Variants in LPO observed in about 807,000 individuals in gnomAD.
LPO encodes salivary peroxidase.
A neutral mutation model predicts 68.4 loss-of-function variants in LPO; 70 were observed. The ratio of observed to expected loss-of-function variants is 1.02; its 90% CI spans 0.84 to 1.25. The LOEUF (loss-of-function observed/expected upper bound fraction) is 1.25, where lower values mean the gene tolerates loss of function less well. LPO is among the 50% of genes most tolerant of loss of function. The pLI is 0.00. For synonymous variants in LPO, 360 were observed against 357.6 expected, an observed-to-expected ratio of 1.01 and a Z score of -0.08; for missense variants, 873 against 908.4, an observed-to-expected ratio of 0.96 and a Z score of 0.50.
At chr17:58,247,368 C>T (rs1002681355) in intron 3 of LPO, 110 bp from the exon 4 acceptor site, 7 of 885,960 alleles carry the variant, frequency 7.9e-6, no homozygotes, top group Non-Finnish European at 1.2e-5. Context: ...GACAGTGCAG[C>T]AGCTGGGTTA....
chr17:58,248,891 T>C (rs1028298461), intron 4 of LPO, among the ~76,000 whole-genome samples, 169 bp from the exon 5 acceptor site: 1 of 152,212 alleles, frequency 6.6e-6, no homozygotes. Flanking sequence ...TAAAATGTAT[T>C]ACCTTAATGT....
At chr17:58,243,664 G>T in intron 2 of LPO, 1 of 394,228 alleles carries the variant, frequency 2.5e-6, no homozygotes. Context: ...TAGTCCACAA[G>T]ACCATCTCAC....
intron 8 of LPO, among the ~76,000 whole-genome samples, chr17:58,253,931 C>G (rs1325643845): frequency 6.6e-6 from 1 of 152,062 alleles, no homozygotes; most frequent in African/African-American, 2.4e-5. Flanking sequence ...GGCAACATAG[C>G]AAGACCCCTG....
intron 9 of LPO, among the ~76,000 whole-genome samples, chr17:58,263,570 C>A (rs1407463703): frequency 1.3e-5 from 2 of 152,152 alleles, no homozygotes; most frequent in Non-Finnish European, 2.9e-5. Flanking sequence ...GAAACCCCAT[C>A]TCTACTAAAA....
chr17:58,256,831 A>G (rs1486647069), intron 9 of LPO, among the ~76,000 whole-genome samples: 1 of 151,364 alleles, frequency 6.6e-6, no homozygotes. Flanking sequence ...CCTTTCAAAA[A>G]AAAAAAAAAA....
At chr17:58,261,986 T>C (rs1448750079) in intron 9 of LPO, among the ~76,000 whole-genome samples, 2 of 152,246 alleles carry the variant, frequency 1.3e-5, no homozygotes, top group Non-Finnish European at 2.9e-5. Context: ...GTCTGAAGCA[T>C]TTCTTCTATA....
At chr17:58,253,573 G>T (rs547857323) in intron 8 of LPO, among the ~76,000 whole-genome samples, 298 of 152,276 alleles carry the variant, frequency 2.0e-3, no homozygotes, top group Non-Finnish European at 3.6e-3. Flanking sequence ...GTTCATTCCA[G>T]GTGCCCTCCT....
intron 12 of LPO, 75 bp downstream of exon 12, chr17:58,267,661 C>T (rs904568977): frequency 5.5e-6 from 8 of 1,467,482 alleles, no homozygotes; most frequent in Non-Finnish European, 6.6e-6. Context: ...CCTGCGTGAG[C>T]GCTGACTCCG....
intron 9 of LPO, among the ~76,000 whole-genome samples, chr17:58,259,071 A>G (rs546408448): frequency 6.6e-6 from 1 of 152,040 alleles, no homozygotes; most frequent in South Asian, 2.1e-4. Flanking sequence ...TGTAGAGCAA[A>G]AGCTTTTAAT....
At chr17:58,242,940 T>C in intron 1 of LPO, 38 bp from the exon 2 acceptor site, 1 of 1,587,996 alleles carries the variant, frequency 6.3e-7, no homozygotes, top group Non-Finnish European at 8.6e-7. Context: ...ACTTGGTCTC[T>C]AGAGAGGCTC....
At position 58,266,325 on chromosome 17, in the gene LPO, T is replaced by G; in HGVS notation, c.1692T>G (p.Pro564=). Residue 564 remains proline (P), a splice_region_variant and synonymous_variant, in exon 11 of 13, where the codon CCT becomes CCG. Coordinates refer to ENST00000262290, the MANE Select transcript of LPO (RefSeq NM_006151.3). ...NTQRCRDHGQ[P]GYNSWRAFCD... is the part of the protein sequence containing the mutation. ...AGCGTTGCCGGGACCATGGGCAACC[T>G]GGTGAGTGTCTGAAGTCTGGCCTGC... The G allele has an allele frequency of 1.9e-6, 3 of 1,613,924 alleles. No homozygotes were observed. Among genetic ancestry groups the G allele is most frequent in the Non-Finnish European group, 2.5e-6 (3 of 1,180,000 alleles).
Position 58,258,264 on chromosome 17 carries a change from T to G in LPO, c.1266+3293T>G, listed in dbSNP as rs530910507. On this transcript the variant is annotated intron_variant, in intron 9 of 12. Transcript: ENST00000262290. ...TCCCCAATGTTTTCTTGCAGTAGTT[T>G]CACAGTTTGAGGTCTTAGATTTGTC... Among the ~76,000 whole-genome samples the G allele has an allele frequency of 4.6e-5, 7 of 152,366 alleles. No homozygotes were observed. In the South Asian group the frequency reaches 1.4e-3, roughly 32 times the overall value.
intron 9 of LPO, among the ~76,000 whole-genome samples, chr17:58,258,514 T>A (rs1342576753): frequency 1.3e-5 from 2 of 152,224 alleles, no homozygotes; most frequent in African/African-American, 4.8e-5. Context: ...TCTGTTTCTA[T>A]GCCAGTACCA....
rs185423234 is a variant in LPO, at chr17:58,248,969, C to T, written c.326-91C>T. The T allele has an allele frequency of 1.3e-3, 1,208 of 924,400 alleles. 4 individuals are homozygous for T. Among genetic ancestry groups the T allele is most frequent in the Non-Finnish European group, 1.9e-3 (1,059 of 552,408 alleles). The allele number at this position is 924,400 out of a possible 1,614,324, so 57.3% of individuals were successfully genotyped here. Reference sequence around the variant, plus strand: ...AGAATGGAATGCATTCCAAAACATGCAGGTTCACCTCTGGTCTCCATTTCC... The same window carrying T: ...AGAATGGAATGCATTCCAAAACATGTAGGTTCACCTCTGGTCTCCATTTCC... On this transcript the variant is annotated intron_variant, in intron 4 of 12. Transcript: ENST00000262290.
rs567740014 is a variant in LPO at position 58,248,498 on chromosome 17, C to G, written c.326-562C>G. 2.0e-5 allele frequency among the ~76,000 whole-genome samples: 3 copies of G among 152,016 alleles called. No individual in the cohort carries two copies. In the East Asian group the frequency reaches 5.8e-4, roughly 29 times the overall value. ...AGGGTATGCGTTCAGAAGTGGGCAT[C>G]TCTCTCCACTCTGTGCCCACACTGA... On this transcript the variant is annotated intron_variant, in intron 4 of 12. Coordinates refer to ENST00000262290, the MANE Select transcript of LPO (RefSeq NM_006151.3).
Position 58,252,456 on chromosome 17 carries a change from G to A in LPO, c.1055G>A (p.Ser352Asn), listed in dbSNP as rs747915740. ...CTGCCCTATGACAGCAAGAAGCCAA[G>A]CCCCTGTGAGTTCATCAACACCACT... ...PYLPYDSKKP[S>N]PCEFINTTAR... The change falls in exon 8 of 13, where the codon AGC becomes AAC. Residue 352 changes from serine to asparagine, a missense_variant. Coordinates refer to ENST00000262290, the MANE Select transcript of LPO (RefSeq NM_006151.3). 1 of 1,614,014 alleles carries A rather than the reference G, an allele frequency of 6.2e-7. No individual in the cohort carries two copies. Among genetic ancestry groups the A allele is most frequent in the Non-Finnish European group, 8.5e-7 (1 of 1,180,026 alleles).
At chr17:58,243,728 A>G (rs1347749518) in intron 2 of LPO, 1 of 525,804 alleles carries the variant, frequency 1.9e-6, no homozygotes, top group South Asian at 2.2e-5. Flanking sequence ...CTGAGTGGCC[A>G]CACTCCCTCT....
chr17:58,261,910 C>T (rs1188950428), intron 9 of LPO, among the ~76,000 whole-genome samples: 1 of 152,190 alleles, frequency 6.6e-6, no homozygotes, highest in Non-Finnish European at 1.5e-5. Flanking sequence ...TTTATCATTT[C>T]AAGTGACATG....
At chr17:58,243,616 T>G (rs1969798806) in intron 2 of LPO, 1 of 293,548 alleles carries the variant, frequency 3.4e-6, no homozygotes, top group Admixed American at 4.7e-5. Context: ...TACGTCAGGG[T>G]CCTGGTGATC....
Sources: allele counts gnomAD v4.1 joint callset (sites outside exome capture counted in the v4.1 genomes callset), GRCh38; gene constraint gnomAD v4.1.1; transcripts MANE v1.5; gene names NCBI Gene and HGNC (gene_info 2026-07-23, HGNC 2026-07-21).